Variants in RAB12 observed in about 807,000 individuals in gnomAD.
The protein encoded by RAB12 is RAB12, member RAS oncogene family.
In RAB12, 11 loss-of-function variants were observed where a neutral mutation model predicts 28.4. The observed-to-expected ratio is 0.39, with a 90% CI of 0.24 to 0.64. RAB12 has a LOEUF of 0.64. Among genes scored for constraint, RAB12 ranks in the 30% least tolerant of loss-of-function variants. The pLI is 0.50. For missense variants in RAB12, 276 were observed against 351.1 expected (o/e 0.79, Z 1.71); for synonymous variants, 138 against 145.3 (o/e 0.95, Z 0.36).
intron 1 of RAB12, among the ~76,000 whole-genome samples, chr18:8,619,267 G>A (rs760535641): frequency 2.6e-5 from 4 of 152,242 alleles, no homozygotes; most frequent in Admixed American, 6.5e-5. Context: ...CCGCTTGGCC[G>A]TAGTCCTAGA....
intron 5 of RAB12, among the ~76,000 whole-genome samples, chr18:8,637,928 T>TGAGGAGGAGGAG (rs367637160): frequency 6.6e-6 from 1 of 151,300 alleles, no homozygotes; most frequent in Non-Finnish European, 1.5e-5. Context: ...TTGAGTAGGC[T>TGAGGAGGAGGAG]GAGGAGGAGG....
rs767576309 is a variant in RAB12, at chr18:8,638,305, G to A, written c.*43G>A. 6 of 1,393,446 alleles carry A rather than the reference G, an allele frequency of 4.3e-6. No individual in the cohort carries two copies. The South Asian group carries it at 7.0e-5, about 16-fold the overall frequency. 86.3% of individuals were successfully genotyped at this position (1,393,446 alleles called of 1,614,324 possible). A position where few individuals can be genotyped will look rare whatever the true frequency, so the allele number is the denominator to read the frequency against. ...AAAGTGGAAATGATTCCTGGAAAGG[G>A]GAAAAAACGTTCTATTCTGCACTAC... On this transcript the variant is annotated 3_prime_UTR_variant, in exon 6 of 6. Transcript: ENST00000649141.
chr18:8,638,382 C>A lies in RAB12; in HGVS notation c.*120C>A. The stretch of plus-strand genomic sequence containing the variant: ...CTTTGTAATCCAAGTCAGAGCTATA[C>A]ACTAACTTGTAAATATGCATATATG... On this transcript the variant is annotated 3_prime_UTR_variant, in exon 6 of 6. Transcript: ENST00000649141. 1.5e-6 allele frequency: 1 copy of A among 686,046 alleles called. No individual in the cohort carries two copies. The highest frequency in any genetic ancestry group is 2.5e-6 in the Non-Finnish European group (1 of 397,756). 42.5% of individuals were successfully genotyped at this position (686,046 alleles called of 1,614,324 possible).
At position 8,639,147 on chromosome 18, in the gene RAB12, C is replaced by CTTTTTGTTTTTTT. The variant is rs1567898835; in HGVS notation, c.*890_*891insGTTTTTTTTTTTT. 1.9e-4 allele frequency: 3 copies of CTTTTTGTTTTTTT among 16,024 alleles called. No homozygotes were observed. Among genetic ancestry groups the CTTTTTGTTTTTTT allele is most frequent in the Non-Finnish European group, 4.0e-4 (3 of 7,590 alleles). The allele number at this position is 16,024 out of a possible 1,614,324, so 1.0% of individuals were successfully genotyped here. The stretch of plus-strand genomic sequence containing the variant: ...ATTCTGATTAAGCCTAGACTGTGTT[C>CTTTTTGTTTTTTT]TTTTTTTTTTTTTTTTTTTTTTTTT... On this transcript the variant is annotated 3_prime_UTR_variant, in exon 6 of 6. Transcript: ENST00000649141.
chr18:8,614,862 G>A (rs1300827792), intron 1 of RAB12, among the ~76,000 whole-genome samples: 2 of 152,328 alleles, frequency 1.3e-5, no homozygotes, highest in East Asian at 3.9e-4. Flanking sequence ...AGGATTACAG[G>A]TGTGAGCCAT....
intron 2 of RAB12, chr18:8,632,878 C>T (rs1235238448): frequency 6.5e-6 from 2 of 308,522 alleles, no homozygotes; most frequent in Non-Finnish European, 1.2e-5. Context: ...GTTATATTAG[C>T]ATTCCTGTTG....
chr18:8,609,682 G>C lies in RAB12; in HGVS notation c.243G>C (p.Gly81=). ...CGGGGCCCGGGGCGCGCAGCCGGGGGGCGGGCGGCGGCGGGCGGCGGGCCG... is the reference window on the plus strand; with the variant it reads ...CGGGGCCCGGGGCGCGCAGCCGGGGCGCGGGCGGCGGCGGGCGGCGGGCCG... ...GAPGPGARSR[G]AGGGGRRAER... The change falls in exon 1 of 6, where the codon GGG becomes GGC. Residue 81 remains glycine, a synonymous_variant. Coordinates refer to ENST00000649141, the MANE Select transcript of RAB12 (RefSeq NM_001025300.3). The C allele has an allele frequency of 1.1e-6, 1 of 927,680 alleles. No individual in the cohort carries two copies. Among genetic ancestry groups the C allele is most frequent in the Non-Finnish European group, 1.3e-6 (1 of 779,956 alleles). The allele number at this position is 927,680 out of a possible 1,614,324, so 57.5% of individuals were successfully genotyped here.
intron 2 of RAB12, among the ~76,000 whole-genome samples, chr18:8,631,143 G>C (rs371792814): frequency 2.0e-5 from 3 of 152,224 alleles, no homozygotes; most frequent in East Asian, 3.9e-4. Context: ...GCCCACCTCA[G>C]CTTCACAAAT....
intron 1 of RAB12, among the ~76,000 whole-genome samples, chr18:8,614,335 C>G (rs899838207): frequency 2.6e-5 from 4 of 151,794 alleles, no homozygotes; most frequent in African/African-American, 9.7e-5. Flanking sequence ...CATTCAAATT[C>G]AAGTGTCTTA....
intron 3 of RAB12, 100 bp downstream of exon 3, chr18:8,633,427 A>G: frequency 7.4e-7 from 1 of 1,351,108 alleles, no homozygotes; most frequent in Non-Finnish European, 1.0e-6. Context: ...GCATGTTTTC[A>G]TATAGACTAA....
At chr18:8,626,256 A>G (rs2096012592) in intron 2 of RAB12, among the ~76,000 whole-genome samples, 1 of 152,228 alleles carries the variant, frequency 6.6e-6, no homozygotes, top group Non-Finnish European at 1.5e-5. Flanking sequence ...TTGGCACACA[A>G]GCTGCTGTTT....
At chr18:8,613,139 A>T (rs534484642) in intron 1 of RAB12, among the ~76,000 whole-genome samples, 1 of 152,244 alleles carries the variant, frequency 6.6e-6, no homozygotes, top group Admixed American at 6.5e-5. Context: ...TCACAAGGGT[A>T]TGAAAAACAG....
intron 1 of RAB12, among the ~76,000 whole-genome samples, chr18:8,623,116 C>A (rs2096010836): frequency 6.6e-6 from 1 of 152,122 alleles, no homozygotes; most frequent in Non-Finnish European, 1.5e-5. Flanking sequence ...CATACATCCT[C>A]CTCGGCTTAC....
At chr18:8,622,584 G>A (rs2096010478) in intron 1 of RAB12, among the ~76,000 whole-genome samples, 3 of 152,188 alleles carry the variant, frequency 2.0e-5, no homozygotes, top group Admixed American at 2.0e-4. Context: ...CAAGGCAAGT[G>A]GAGGCAGGGC....
chr18:8,614,868 G>C (rs1369776980), intron 1 of RAB12, among the ~76,000 whole-genome samples: 1 of 152,340 alleles, frequency 6.6e-6, no homozygotes, highest in East Asian at 1.9e-4. Context: ...ACAGGTGTGA[G>C]CCATCACCCC....
intron 1 of RAB12, among the ~76,000 whole-genome samples, chr18:8,617,362 C>G (rs181202273): frequency 6.6e-6 from 1 of 151,942 alleles, no homozygotes; most frequent in Non-Finnish European, 1.5e-5. Context: ...TTTGACAGTC[C>G]CTGTGTTTTC....
intron 2 of RAB12, among the ~76,000 whole-genome samples, chr18:8,628,034 A>G (rs142404686): frequency 6.8e-4 from 104 of 152,344 alleles, no homozygotes; most frequent in Non-Finnish European, 1.3e-3. Flanking sequence ...TAGAAAAATC[A>G]GAATAAGGTG....
intron 1 of RAB12, among the ~76,000 whole-genome samples, chr18:8,619,311 G>C (rs574425382): frequency 2.0e-5 from 3 of 152,354 alleles, no homozygotes; most frequent in Admixed American, 2.0e-4. Flanking sequence ...CTTTTTACTG[G>C]AAAGGAGTGT....
At chr18:8,611,911 C>T (rs1190691391) in intron 1 of RAB12, among the ~76,000 whole-genome samples, 1 of 152,210 alleles carries the variant, frequency 6.6e-6, no homozygotes, top group Non-Finnish European at 1.5e-5. Flanking sequence ...CTTTAGTACT[C>T]AGTGCGTGCT....
Sources: allele counts gnomAD v4.1 joint callset (sites outside exome capture counted in the v4.1 genomes callset), GRCh38; gene constraint gnomAD v4.1.1; transcripts MANE v1.5; gene names NCBI Gene and HGNC (gene_info 2026-07-23, HGNC 2026-07-21).